FHAD1: variants seen among roughly 807,000 people sequenced by gnomAD.
FHAD1 encodes forkhead-associated domain-containing protein 1.
FHAD1 carries 146 observed loss-of-function variants against 191.3 expected under a neutral mutation model. The ratio of observed to expected loss-of-function variants is 0.76; its 90% CI spans 0.67 to 0.88. The LOEUF is 0.88. FHAD1 is among the 40% of genes least tolerant of loss of function. The pLI, the probability that FHAD1 is intolerant of heterozygous loss-of-function variation, is 0.00. For missense variants in FHAD1, 1,635 were observed against 1,785.8 expected (o/e 0.92, Z 1.52); for synonymous variants, 616 against 672.3 (o/e 0.92, Z 1.29).
At chr1:15,336,616 A>G (rs1230947830) in intron 14 of FHAD1, among the ~76,000 whole-genome samples, 3 of 152,100 alleles carry the variant, frequency 2.0e-5, no homozygotes, top group African/African-American at 2.4e-5. Flanking sequence ...TACCATCCTG[A>G]AAAAAATCAT....
chr1:15,263,188 A>G (rs1421964144), intron 2 of FHAD1, among the ~76,000 whole-genome samples: 1 of 152,174 alleles, frequency 6.6e-6, no homozygotes, highest in Non-Finnish European at 1.5e-5. Flanking sequence ...GGTTCTTTAT[A>G]TATCATGGAG....
chr1:15,260,089 C>T (rs971493900), intron 2 of FHAD1, among the ~76,000 whole-genome samples: 8 of 152,112 alleles, frequency 5.3e-5, no homozygotes, highest in Non-Finnish European at 1.0e-4. Context: ...TGATTGTCTT[C>T]GTTATTTTGA....
At position 15,261,281 on chromosome 1, in the gene FHAD1, A is replaced by G. The variant is rs539870719; in HGVS notation, c.93+9404A>G. ...CTAAGGAGCCTGCCCAAGGTCACGT[A>G]TGACGGGCACAGAGGGTGGGATTCA... On this transcript the variant is annotated intron_variant, in intron 2 of 33. Coordinates refer to ENST00000688493, the MANE Select transcript of FHAD1 (RefSeq NM_001391957.1). 1.8e-4 allele frequency among the ~76,000 whole-genome samples: 28 copies of G among 152,330 alleles called. No individual in the cohort carries two copies. The South Asian group carries it at 3.5e-3, about 19-fold the overall frequency.
intron 2 of FHAD1, among the ~76,000 whole-genome samples, chr1:15,253,338 A>G (rs1647025906): frequency 6.6e-6 from 1 of 152,232 alleles, no homozygotes; most frequent in African/African-American, 2.4e-5. Flanking sequence ...AAGTCTGTCT[A>G]TATCTATGAA....
intron 3 of FHAD1, among the ~76,000 whole-genome samples, chr1:15,283,979 C>T (rs1050843355): frequency 2.0e-5 from 3 of 152,228 alleles, no homozygotes; most frequent in African/African-American, 4.8e-5. Context: ...AGTTTGGAGT[C>T]AGACAGCATC....
intron 3 of FHAD1, among the ~76,000 whole-genome samples, chr1:15,277,631 C>T (rs1658882407): frequency 6.6e-6 from 1 of 152,228 alleles, no homozygotes; most frequent in Non-Finnish European, 1.5e-5. Context: ...CAGGCAAGTT[C>T]CTCACTGCAG....
At chr1:15,248,794 G>A (rs1008421655) in intron 1 of FHAD1, among the ~76,000 whole-genome samples, 2 of 152,084 alleles carry the variant, frequency 1.3e-5, no homozygotes, top group South Asian at 2.1e-4. Context: ...CGCCATGTTG[G>A]CCAGGCTGGT....
In FHAD1 at chr1:15,365,855, A is replaced by C; in HGVS notation, c.3076A>C (p.Ile1026Leu). The change falls in exon 24 of 34, where the codon ATT (isoleucine) becomes CTT (leucine). Residue 1026 changes from isoleucine (I) to leucine (L), a missense_variant. Physicochemically the swap from Ile to Leu is conservative, Grantham distance 5. Coordinates refer to ENST00000688493, the MANE Select transcript of FHAD1 (RefSeq NM_001391957.1). The part of the protein sequence containing the change: ...IDDLLAAQKE[I>L]LSQQEVIMKL... ...TGACTTATTGGCTGCTCAGAAGGAAATTCTGTCTCAGCAGGAAGTCATCAT... is the reference window on the plus strand; with the variant it reads ...TGACTTATTGGCTGCTCAGAAGGAACTTCTGTCTCAGCAGGAAGTCATCAT... 1 of 1,551,478 alleles carries C rather than the reference A, an allele frequency of 6.4e-7. No homozygotes were observed. The highest frequency in any genetic ancestry group is 8.7e-7 in the Non-Finnish European group (1 of 1,146,816).
rs1694483187 is a variant in FHAD1 at position 15,360,655 on chromosome 1, C to T, written c.2914C>T (p.His972Tyr). Reference sequence around the variant, plus strand: ...GAAACTCCAGAAAGTCACTCAGCACCATAAAAAAATAGAAGGCGAGATTGC... The same window carrying T: ...GAAACTCCAGAAAGTCACTCAGCACTATAAAAAAATAGAAGGCGAGATTGC... ...EEKLQKVTQH[H>Y]KKIEGEIATL... is the part of the protein sequence containing the mutation. Residue 972 changes from histidine (H) to tyrosine (Y), a missense_variant, in exon 22 of 34, where the codon CAT becomes TAT. His to Tyr is a moderately conservative substitution (Grantham distance 83). Coordinates refer to ENST00000688493, the MANE Select transcript of FHAD1 (RefSeq NM_001391957.1). 1 of 1,551,662 alleles carries T rather than the reference C, an allele frequency of 6.4e-7. No homozygotes were observed. Among genetic ancestry groups the T allele is most frequent in the Non-Finnish European group, 8.7e-7 (1 of 1,147,022 alleles).
chr1:15,257,371 G>A (rs574364281), intron 2 of FHAD1, among the ~76,000 whole-genome samples: 9 of 152,336 alleles, frequency 5.9e-5, no homozygotes, highest in African/African-American at 1.7e-4. Flanking sequence ...CATGCTATGC[G>A]TGAACCCCTC....
intron 4 of FHAD1, among the ~76,000 whole-genome samples, chr1:15,292,724 C>A (rs1253282101): frequency 2.0e-5 from 3 of 152,128 alleles, no homozygotes. Context: ...GAGAAGGTGG[C>A]CGTCTGCAAG....
downstream of FHAD1, among the ~76,000 whole-genome samples, chr1:15,400,772 C>CAGA (rs1281063336): frequency 6.6e-6 from 1 of 152,258 alleles, no homozygotes; most frequent in Non-Finnish European, 1.5e-5. Context: ...ACTCATCCTT[C>CAGA]AGCCGACTGG....
At chr1:15,353,026 A>C (rs1272999813) in intron 20 of FHAD1, 42 bp downstream of exon 20, 1 of 1,383,430 alleles carries the variant, frequency 7.2e-7, no homozygotes, top group Non-Finnish European at 1.0e-6. Flanking sequence ...GGCCCAGCAC[A>C]GCGAAGGGCA....
chr1:15,272,628 A>G (rs931759691), intron 3 of FHAD1, 99 bp downstream of exon 3: 109 of 1,057,916 alleles, frequency 1.0e-4, no homozygotes, highest in Admixed American at 3.0e-4. Flanking sequence ...CATTGGTGCC[A>G]CTGTGATCGC....
chr1:15,340,327 T>C (rs1054200287), intron 15 of FHAD1, among the ~76,000 whole-genome samples: 6 of 152,204 alleles, frequency 3.9e-5, no homozygotes, highest in African/African-American at 1.4e-4. Context: ...CATTCAGCAA[T>C]TGCTATTTAC....
chr1:15,249,776 C>T (rs918856714), intron 1 of FHAD1, among the ~76,000 whole-genome samples: 1 of 152,122 alleles, frequency 6.6e-6, no homozygotes, highest in African/African-American at 2.4e-5. Context: ...TCCCTCCCCC[C>T]ACTCAGTCAC....
Position 15,339,532 on chromosome 1 carries a change from G to A in FHAD1, c.1958G>A (p.Ser653Asn), listed in dbSNP as rs1189520735. The A allele has an allele frequency of 1.6e-6, 2 of 1,287,210 alleles. No individual in the cohort carries two copies. Among genetic ancestry groups the A allele is most frequent in the South Asian group, 2.5e-5 (2 of 78,444 alleles). 79.7% of individuals were successfully genotyped at this position (1,287,210 alleles called of 1,614,324 possible). A position where few individuals can be genotyped will look rare whatever the true frequency, so the allele number is the denominator to read the frequency against. The change falls in exon 15 of 34, where the codon AGC (serine) becomes AAC (asparagine). Residue 653 changes from serine to asparagine, a missense_variant. Transcript: ENST00000688493. ...YLLEHYKKLM[S>N]QAQELQIKFN... ...CTGGAACATTATAAAAAACTTATGA[G>A]CCAGGCCCAGGAACTTCAGGTAATT...
chr1:15,257,196 T>C (rs78280566), intron 2 of FHAD1, among the ~76,000 whole-genome samples: 1,846 of 152,302 alleles, frequency 0.012, 53 homozygotes, highest in African/African-American at 0.042. Context: ...TGCAGCTCTG[T>C]TGGCATCGCC....
At chr1:15,395,307 C>CA (rs34527814) in intron 33 of FHAD1, among the ~76,000 whole-genome samples, 43,009 of 101,140 alleles carry the variant, frequency 0.43, 9,258 homozygotes, top group African/African-American at 0.64. Flanking sequence ...GACTCCATCT[C>CA]AAAAAAAAAA....
Sources: gnomAD v4.1 joint callset for allele counts (sites outside exome capture counted in the v4.1 genomes callset) on GRCh38, gnomAD v4.1.1 for gene constraint, MANE v1.5 for transcripts, NCBI Gene and HGNC (gene_info 2026-07-23, HGNC 2026-07-21) for gene names.